The following NBPF9 variants were observed in gnomAD, a reference collection of about 807,000 sequenced individuals.
NBPF9 encodes the protein NBPF member 9.
NBPF9 carries 91 observed loss-of-function variants against 97.8 expected under a neutral mutation model. That is an observed-to-expected ratio of 0.93 (90% CI 0.79 to 1.11). The LOEUF (loss-of-function observed/expected upper bound fraction) is 1.11, where lower values mean the gene tolerates loss of function less well. Ranked by LOEUF, NBPF9 falls within the 50% of genes least tolerant of loss-of-function variation. The probability of loss-of-function intolerance (pLI) is 0.00; values close to 1 mark genes in which losing one functional copy is unlikely to be tolerated. For synonymous variants in NBPF9, 334 were observed against 359.5 expected, an observed-to-expected ratio of 0.93 and a Z score of 0.80; for missense variants, 992 against 939.5, an observed-to-expected ratio of 1.06 and a Z score of -0.73.
At chr1:149,083,322 ATACT>A (rs2080692256) in intron 5 of NBPF9, among the ~76,000 whole-genome samples, 1 of 119,148 alleles carries the variant, frequency 8.4e-6, no homozygotes, top group Non-Finnish European at 1.7e-5. Flanking sequence ...GTGAAGATAC[ATACT>A]TATTTTCCTG....
At chr1:149,056,070 G>C (rs1236149092) in intron 29 of NBPF9, among the ~76,000 whole-genome samples, 171 bp from the exon 30 acceptor site, 3 of 151,924 alleles carry the variant, frequency 2.0e-5, no homozygotes, top group African/African-American at 4.8e-5. Flanking sequence ...AACAGGGCCA[G>C]GTAGAAAACA....
chr1:149,084,937 G>A (rs2080865750), intron 5 of NBPF9, among the ~76,000 whole-genome samples: 1 of 151,604 alleles, frequency 6.6e-6, no homozygotes, highest in Non-Finnish European at 1.5e-5. Flanking sequence ...GCCTGCTGAT[G>A]GGCAAAGAAG....
intron 1 of NBPF9, 40 bp downstream of exon 1, chr1:149,103,261 C>A (rs1242869640): frequency 5.3e-5 from 8 of 151,326 alleles, no homozygotes; most frequent in South Asian, 4.2e-4. Flanking sequence ...CCCGCGGGTC[C>A]CGGACTCACC....
chr1:149,081,120 CTTTT>C (rs2080398368), intron 7 of NBPF9, among the ~76,000 whole-genome samples: 1 of 152,050 alleles, frequency 6.6e-6, no homozygotes, highest in Admixed American at 6.6e-5. Flanking sequence ...ATTTATTTAT[CTTTT>C]TGTTTGTTTG....
At chr1:149,067,138 G>A (rs2079077269) in intron 17 of NBPF9, among the ~76,000 whole-genome samples, 1 of 130,922 alleles carries the variant, frequency 7.6e-6, no homozygotes, top group South Asian at 2.6e-4. Flanking sequence ...AAATGCTAAG[G>A]GCAGCCAGAG....
At chr1:149,063,290 T>C (rs377161144) in intron 20 of NBPF9, among the ~76,000 whole-genome samples, 27 of 114,628 alleles carry the variant, frequency 2.4e-4, no homozygotes, top group East Asian at 4.1e-4. Flanking sequence ...GCGAGGATTT[T>C]AGACGCTGAA....
chr1:149,081,126 G>T (rs1221359927), intron 7 of NBPF9, among the ~76,000 whole-genome samples: 2 of 151,286 alleles, frequency 1.3e-5, no homozygotes, highest in Admixed American at 1.3e-4. Flanking sequence ...TTATCTTTTT[G>T]TTTGTTTGTT....
intron 4 of NBPF9, among the ~76,000 whole-genome samples, chr1:149,097,052 T>G: frequency 6.6e-5 from 8 of 120,950 alleles, no homozygotes; most frequent in African/African-American, 1.6e-4. Context: ...AAGGAAAGAA[T>G]GGAGGGAGGG....
At chr1:149,087,675 A>G (rs1234240211) in intron 5 of NBPF9, among the ~76,000 whole-genome samples, 1 of 150,802 alleles carries the variant, frequency 6.6e-6, no homozygotes, top group Non-Finnish European at 1.5e-5. Flanking sequence ...GGATCTGGAG[A>G]TCAATTTACG....
intron 8 of NBPF9, 141 bp from the exon 9 acceptor site, chr1:149,079,362 G>A (rs2152905624): frequency 2.3e-6 from 2 of 872,650 alleles, no homozygotes; most frequent in East Asian, 2.5e-5. Context: ...GAATGTCTGT[G>A]GCCAAGAGAA....
intron 5 of NBPF9, among the ~76,000 whole-genome samples, chr1:149,086,065 T>C (rs1248750912): frequency 2.6e-5 from 4 of 152,040 alleles, no homozygotes; most frequent in African/African-American, 9.7e-5. Flanking sequence ...CCATCTGTAA[T>C]GTCTTGTAAA....
chr1:149,055,500 G>A (rs1553648523), exon 30 of NBPF9: 2 of 1,514,776 alleles, frequency 1.3e-6, no homozygotes, highest in Non-Finnish European at 8.9e-7. Flanking sequence ...CTGAGCACAG[G>A]TTGCCACTGG....
At chr1:149,058,567 G>T (rs1321329927) in intron 26 of NBPF9, 7 of 243,504 alleles carry the variant, frequency 2.9e-5, no homozygotes, top group South Asian at 1.4e-4. Flanking sequence ...TGCCCAGCTC[G>T]TTCATGGATG....
exon 10 of NBPF9, chr1:149,077,945 TTCG>T (rs782209788): frequency 6.5e-7 from 1 of 1,544,136 alleles, no homozygotes; most frequent in African/African-American, 1.4e-5. Flanking sequence ...CATCCTCATC[TTCG>T]TCATTTTCTA....
intron 14 of NBPF9, among the ~76,000 whole-genome samples, chr1:149,071,960 G>T (rs1553653026): frequency 1.3e-5 from 2 of 149,960 alleles, no homozygotes; most frequent in Non-Finnish European, 3.0e-5. Flanking sequence ...GACGTTGGCA[G>T]CTGTCTCCCC....
chr1:149,059,383 C>T, intron 25 of NBPF9: 3 of 429,884 alleles, frequency 7.0e-6, no homozygotes, highest in Non-Finnish European at 8.5e-6. Context: ...TGAGTTCGTG[C>T]CCTCATGACA....
chr1:149,054,822 A>T (rs2078104607), exon 30 of NBPF9: 1 of 152,170 alleles, frequency 6.6e-6, no homozygotes, highest in African/African-American at 2.4e-5. Context: ...GATAAGGACT[A>T]TGTGAAGGAG....
At chr1:149,071,036 G>C (rs1468494902) in exon 16 of NBPF9, 1 of 1,611,570 alleles carries the variant, frequency 6.2e-7, no homozygotes, top group Non-Finnish European at 8.5e-7. Context: ...GTTTTCCTAT[G>C]TGGCTGGTTG....
Position 149,055,816 on chromosome 1 carries a change from T to C in NBPF9, c.3176A>G (p.Tyr1059Cys), listed in dbSNP as rs781977972. The change falls in exon 30 of 30, where the codon TAC becomes TGC. Residue 1059 changes from tyrosine (Y) to cysteine (C), a missense_variant. Physicochemically the swap from Tyr to Cys is radical, Grantham distance 194. This residue lies in a region of NBPF9 where 397 missense variants were observed against 213.6 expected (regional missense o/e 1.86). Coordinates refer to ENST00000584027, the Ensembl canonical transcript of NBPF9. ...CTGGAATGAGTCAGGTAGTTCAAAG[T>C]ACATTGACGGAGTAGAATAACATCC... 48 of 1,603,940 alleles carry C rather than the reference T, an allele frequency of 3.0e-5. 1 individual carries two copies. In the Admixed American group the frequency reaches 5.4e-4, roughly 18 times the overall value.
Sources: gnomAD v4.1 joint callset for allele counts (sites outside exome capture counted in the v4.1 genomes callset) on GRCh38, gnomAD v4.1.1 for gene constraint, gnomAD v4.1.1 regional missense constraint, MANE v1.5 for transcripts, NCBI Gene and HGNC (gene_info 2026-07-23, HGNC 2026-07-21) for gene names.